The following ADAMTS17 variants were observed in gnomAD, a reference collection of about 807,000 sequenced individuals.
The protein encoded by ADAMTS17 is ADAM metallopeptidase with thrombospondin type 1 motif 17.
Under a neutral mutation model 141.5 loss-of-function variants are expected in ADAMTS17, and 113 were observed. The ratio of observed to expected loss-of-function variants is 0.80; its 90% confidence interval spans 0.69 to 0.93. ADAMTS17 has a LOEUF of 0.93. ADAMTS17 is among the 40% of genes least tolerant of loss of function. The pLI, the probability that ADAMTS17 is intolerant of heterozygous loss-of-function variation, is 0.00. For synonymous variants in ADAMTS17, 768 were observed against 630.6 expected (o/e 1.22, Z -3.27); for missense variants, 1,659 against 1,517.9 (o/e 1.09, Z -1.54).
At chr15:100,169,609 G>C (rs75383370) in intron 8 of ADAMTS17, among the ~76,000 whole-genome samples, 7,679 of 152,286 alleles carry the variant, frequency 0.05, 281 homozygotes, top group East Asian at 0.18. Context: ...CATACACGGT[G>C]CAGTCACTGA....
intron 17 of ADAMTS17, among the ~76,000 whole-genome samples, chr15:100,050,530 A>C (rs1472708404): frequency 2.0e-5 from 3 of 152,234 alleles, no homozygotes; most frequent in African/African-American, 7.2e-5. Context: ...CTAAGCACAG[A>C]CAGTGAGGGT....
intron 13 of ADAMTS17, among the ~76,000 whole-genome samples, chr15:100,112,676 TGAAG>T (rs890595011): frequency 1.3e-5 from 2 of 152,016 alleles, no homozygotes; most frequent in Non-Finnish European, 2.9e-5. Context: ...ACCACACACT[TGAAG>T]GAAGGAAGCT....
chr15:100,136,642 T>C (rs993755209), intron 10 of ADAMTS17, among the ~76,000 whole-genome samples: 1 of 152,206 alleles, frequency 6.6e-6, no homozygotes, highest in African/African-American at 2.4e-5. Context: ...GAGGTCAATG[T>C]TTGTGAAGGT....
Position 99,972,637 on chromosome 15 carries a change from GC to G in ADAMTS17, c.*1764del, listed in dbSNP as rs2060235085. The G allele has an allele frequency of 6.6e-6, 1 of 152,166 alleles. No homozygotes were observed. Among genetic ancestry groups the G allele is most frequent in the Non-Finnish European group, 1.5e-5 (1 of 68,038 alleles). 9.4% of individuals were successfully genotyped at this position (152,166 alleles called of 1,614,324 possible). A position where few individuals can be genotyped will look rare whatever the true frequency, so the allele number is the denominator to read the frequency against. ...GGGAGGACAGCAGTCTGCGCAGGCC[GC>G]GGGGCGAGGGTGGGCCGCTCCATCC... On this transcript the variant is annotated 3_prime_UTR_variant, in exon 22 of 22. Transcript: ENST00000268070.
In ADAMTS17 at chr15:100,105,229, C is replaced by T. The variant is rs547527832; in HGVS notation, c.2016+3760G>A. ...GCAGCCACCCGGGAGATGGTGCTTT[C>T]GAGAATTGGTAGGCAGGGTCTCTGC... On this transcript the variant is annotated intron_variant, in intron 14 of 21. Transcript: ENST00000268070. 3.5e-4 allele frequency among the ~76,000 whole-genome samples: 54 copies of T among 152,296 alleles called. No homozygotes were observed. In the South Asian group the frequency reaches 9.3e-3, roughly 26 times the overall value.
rs1283585658 is a variant in ADAMTS17, at chr15:100,047,077, G to C, written c.2591+1780C>G. Among the ~76,000 whole-genome samples, 2 of 151,792 alleles carry C rather than the reference G, an allele frequency of 1.3e-5. 1 individual carries two copies. Among genetic ancestry groups the C allele is most frequent in the African/African-American group, 4.8e-5 (2 of 41,240 alleles). ...CCCCTGAGGGTAGGCCTCTAAAATG[G>C]CCCCCCTGGGTGTGGCCGTCTTCTA... On this transcript the variant is annotated intron_variant, in intron 18 of 21. Coordinates refer to ENST00000268070, the MANE Select transcript of ADAMTS17 (RefSeq NM_139057.4).
At chr15:100,304,730 G>C (rs1023658818) in intron 3 of ADAMTS17, among the ~76,000 whole-genome samples, 2 of 152,062 alleles carry the variant, frequency 1.3e-5, no homozygotes, top group Non-Finnish European at 2.9e-5. Context: ...TGTGCATTTT[G>C]GTCTGCTGTA....
At chr15:100,232,695 C>T (rs1216671423) in intron 7 of ADAMTS17, among the ~76,000 whole-genome samples, 4 of 152,230 alleles carry the variant, frequency 2.6e-5, no homozygotes, top group East Asian at 1.9e-4. Context: ...TGTGACCCCA[C>T]CAAGCCTGTT....
At chr15:100,271,633 A>G (rs949742671) in intron 4 of ADAMTS17, among the ~76,000 whole-genome samples, 2 of 150,444 alleles carry the variant, frequency 1.3e-5, no homozygotes, top group African/African-American at 4.9e-5. Context: ...TATATTCTGG[A>G]TATTATAAAA....
intron 7 of ADAMTS17, among the ~76,000 whole-genome samples, chr15:100,244,270 G>A (rs778013380): frequency 4.4e-4 from 67 of 151,520 alleles, no homozygotes; most frequent in Non-Finnish European, 7.7e-4. Context: ...GGAATTATTG[G>A]AGCTAGATGA....
chr15:100,341,742 C>A (rs2046373338), intron 1 of ADAMTS17, 79 bp downstream of exon 1: 8 of 1,488,464 alleles, frequency 5.4e-6, no homozygotes, highest in Admixed American at 4.5e-5. Context: ...CGCCCCCGGG[C>A]CGCCAGGACG....
In ADAMTS17 at chr15:99,983,683, G is replaced by A. The variant is rs544662379; in HGVS notation, c.2950-7461C>T. 6.6e-5 allele frequency among the ~76,000 whole-genome samples: 10 copies of A among 152,256 alleles called. No homozygotes were observed. In the East Asian group the frequency reaches 7.7e-4, roughly 12 times the overall value. ...CAGGGCTGCCCCCCACTGTCTCCCC[G>A]CACTGGGTCTGGGGTGAGCACAAGC... On this transcript the variant is annotated intron_variant, in intron 20 of 21. Coordinates refer to ENST00000268070, the MANE Select transcript of ADAMTS17 (RefSeq NM_139057.4).
rs375409694 is a variant in ADAMTS17, at chr15:100,330,304, C to T, written c.616+585G>A. 1.2e-3 allele frequency among the ~76,000 whole-genome samples: 181 copies of T among 152,354 alleles called. 2 individuals carry two copies. Among genetic ancestry groups the T allele is most frequent in the African/African-American group, 4.2e-3 (176 of 41,580 alleles). ...TGGCAAGTTTTAAAGCAGTGGTTCTCACACTTTAGCACGTATCTAAATCCC... is the reference window on the plus strand; with the variant it reads ...TGGCAAGTTTTAAAGCAGTGGTTCTTACACTTTAGCACGTATCTAAATCCC... On this transcript the variant is annotated intron_variant, in intron 3 of 21. Coordinates refer to ENST00000268070, the MANE Select transcript of ADAMTS17 (RefSeq NM_139057.4).
At chr15:100,245,759 G>A (rs770222477) in intron 7 of ADAMTS17, among the ~76,000 whole-genome samples, 21 of 152,146 alleles carry the variant, frequency 1.4e-4, no homozygotes, top group Non-Finnish European at 2.6e-4. Context: ...TCTAACAAGC[G>A]CTGGTAGAGA....
intron 6 of ADAMTS17, among the ~76,000 whole-genome samples, chr15:100,260,211 T>C (rs906323722): frequency 1.3e-5 from 2 of 152,148 alleles, no homozygotes; most frequent in African/African-American, 4.8e-5. Context: ...GTCACAGAAC[T>C]TCCCCAGATG....
At chr15:100,019,445 A>G (rs1021588869) in intron 18 of ADAMTS17, among the ~76,000 whole-genome samples, 4 of 152,244 alleles carry the variant, frequency 2.6e-5, no homozygotes, top group African/African-American at 7.2e-5. Context: ...TAATCTCGGT[A>G]CTTTTCTGTA....
At chr15:100,136,162 G>A (rs1219178988) in intron 10 of ADAMTS17, among the ~76,000 whole-genome samples, 1 of 152,126 alleles carries the variant, frequency 6.6e-6, no homozygotes, top group Admixed American at 6.5e-5. Flanking sequence ...GTTCCATGTT[G>A]GAAACAACCC....
At chr15:99,976,013 C>A in intron 21 of ADAMTS17, 32 bp downstream of exon 21, 1 of 1,539,166 alleles carries the variant, frequency 6.5e-7, no homozygotes, top group South Asian at 1.2e-5. Context: ...CACAGCAGCC[C>A]CCTGGGAACC....
intron 2 of ADAMTS17, 44 bp downstream of exon 2, chr15:100,340,995 G>C: frequency 6.6e-7 from 1 of 1,516,742 alleles, no homozygotes; most frequent in Non-Finnish European, 8.8e-7. Flanking sequence ...ACTCTGCGTC[G>C]CAACAGACCG....
Sources: gnomAD v4.1 joint callset for allele counts (sites outside exome capture counted in the v4.1 genomes callset) on GRCh38, gnomAD v4.1.1 for gene constraint, MANE v1.5 for transcripts, NCBI Gene and HGNC (gene_info 2026-07-23, HGNC 2026-07-21) for gene names.